Variants in BTD observed in about 807,000 individuals in gnomAD.
The protein encoded by BTD is biocytinase.
BTD carries 13 observed loss-of-function variants against 17.7 expected under a neutral mutation model. The observed-to-expected ratio is 0.74, with a 90% CI of 0.48 to 1.17. BTD has a LOEUF of 1.17. Among genes scored for constraint, BTD ranks in the 50% most tolerant of loss-of-function variants. The probability of loss-of-function intolerance (pLI) is 0.00; values close to 1 mark genes in which losing one functional copy is unlikely to be tolerated. For missense variants in BTD, 674 were observed against 650.4 expected, an observed-to-expected ratio of 1.04 and a Z score of -0.39; for synonymous variants, 240 against 245.2, an observed-to-expected ratio of 0.98 and a Z score of 0.20.
chr3:15,693,772 A>C (rs751514432), intron 3 of BTD, among the ~76,000 whole-genome samples: 8 of 152,170 alleles, frequency 5.3e-5, no homozygotes, highest in Non-Finnish European at 1.0e-4. Context: ...AGAAGTAGAA[A>C]GCTTCAAGAA....
intron 3 of BTD, among the ~76,000 whole-genome samples, chr3:15,661,562 C>T (rs947752258): frequency 4.6e-5 from 7 of 151,922 alleles, no homozygotes; most frequent in African/African-American, 1.2e-4. Context: ...GTTCTTTATC[C>T]GTCTTTTGCA....
chr3:15,670,486 G>A, intron 3 of BTD: 4 of 1,613,962 alleles, frequency 2.5e-6, no homozygotes, highest in Non-Finnish European at 3.4e-6. Context: ...CAGGCATCAT[G>A]GTGGCCAAAA....
intron 1 of BTD, among the ~76,000 whole-genome samples, chr3:15,633,531 G>A (rs1257596332): frequency 6.6e-6 from 1 of 152,176 alleles, no homozygotes; most frequent in African/African-American, 2.4e-5. Context: ...TTGCTGGATT[G>A]CAAGTCCTTT....
intron 1 of BTD, among the ~76,000 whole-genome samples, chr3:15,620,350 G>T (rs9825684): frequency 1.3e-5 from 2 of 152,034 alleles, no homozygotes; most frequent in East Asian, 3.9e-4. Flanking sequence ...CCTTTCCCAG[G>T]GTATTAATAT....
At chr3:15,672,053 G>A (rs1033011736) in intron 3 of BTD, among the ~76,000 whole-genome samples, 4 of 151,846 alleles carry the variant, frequency 2.6e-5, no homozygotes, top group Admixed American at 6.6e-5. Flanking sequence ...TTATACTATG[G>A]TTTAGTTATA....
exon 4 of BTD, among the ~76,000 whole-genome samples, chr3:15,711,790 G>A (rs1026098161): frequency 1.3e-5 from 2 of 151,780 alleles, no homozygotes; most frequent in Non-Finnish European, 2.9e-5. Flanking sequence ...GGGTTCAAGC[G>A]ATTCTCCTGC....
At chr3:15,714,669 G>A (rs1444866522), downstream of BTD, 1 of 1,568,536 alleles carries the variant, frequency 6.4e-7, no homozygotes, top group Admixed American at 2.0e-5. Flanking sequence ...GGGGGGGGAA[G>A]AAAAAAATTA....
chr3:15,682,839 T>C (rs41491748), intron 3 of BTD, among the ~76,000 whole-genome samples: 27,266 of 152,170 alleles, frequency 0.18, 3,703 homozygotes, highest in East Asian at 0.58. Flanking sequence ...TAGTCGCTTA[T>C]TGCATATAGC....
At chr3:15,613,074 T>G (rs1386661057) in intron 1 of BTD, among the ~76,000 whole-genome samples, 1 of 152,214 alleles carries the variant, frequency 6.6e-6, no homozygotes, top group Non-Finnish European at 1.5e-5. Flanking sequence ...TAATCTCTTT[T>G]GATTAACTAG....
chr3:15,674,780 G>C (rs2066763548), intron 3 of BTD, among the ~76,000 whole-genome samples: 1 of 152,186 alleles, frequency 6.6e-6, no homozygotes, highest in Non-Finnish European at 1.5e-5. Context: ...AACCAAGGAA[G>C]AGTGGGGTTC....
intron 1 of BTD, among the ~76,000 whole-genome samples, chr3:15,633,307 A>T (rs758011085): frequency 6.6e-6 from 1 of 152,004 alleles, no homozygotes; most frequent in Non-Finnish European, 1.5e-5. Context: ...TTTTTATTGT[A>T]ATTACTCATT....
intron 3 of BTD, among the ~76,000 whole-genome samples, chr3:15,704,857 T>C (rs2071141220): frequency 6.6e-6 from 1 of 152,132 alleles, no homozygotes; most frequent in Admixed American, 6.5e-5. Context: ...ATTGAATCAA[T>C]AAATGATGGC....
At position 15,644,590 on chromosome 3, in the gene BTD, G is replaced by A. The variant is rs397507175; in HGVS notation, c.674G>A (p.Cys225Tyr). ...PFAGRFGIFT[C>Y]FDILFFDPAI... ...GCTGGCAGGTTTGGCATCTTCACAT[G>A]CTTTGATATATTGTTCTTTGACCCT... Residue 225 changes from cysteine (C) to tyrosine (Y), a missense_variant, in exon 4 of 4, where the codon TGC (cysteine) becomes TAC (tyrosine). Transcript: ENST00000643237. The A allele has an allele frequency of 1.8e-5, 29 of 1,614,026 alleles. No homozygotes were observed. Among genetic ancestry groups the A allele is most frequent in the African/African-American group, 2.7e-5 (2 of 74,908 alleles).
chr3:15,631,609 C>A, intron 1 of BTD: 1 of 928,914 alleles, frequency 1.1e-6, no homozygotes, highest in Non-Finnish European at 1.7e-6. Context: ...ATGGAAAGAA[C>A]CTTCCTGATC....
downstream of BTD, among the ~76,000 whole-genome samples, chr3:15,717,526 A>G (rs1379875680): frequency 1.4e-5 from 2 of 147,676 alleles, no homozygotes; most frequent in Admixed American, 6.8e-5. Flanking sequence ...GAGTATTAAG[A>G]AAAAAAAAAA....
rs550701576 is a variant in BTD, at chr3:15,706,602, C to A, written c.400-3458C>A. 1.6e-4 allele frequency among the ~76,000 whole-genome samples: 24 copies of A among 152,190 alleles called. No individual in the cohort carries two copies. In the East Asian group the frequency reaches 4.6e-3, roughly 29 times the overall value. On this transcript the variant is annotated intron_variant, in intron 3 of 3. Coordinates refer to the BTD transcript ENST00000672141. ...TGATTTATAATCCTTTGGGTATATA[C>A]CCAGTAATGGGATGGCTGGGTCAAA...
At chr3:15,628,167 C>T (rs1288816196) in intron 1 of BTD, among the ~76,000 whole-genome samples, 1 of 152,240 alleles carries the variant, frequency 6.6e-6, no homozygotes, top group Non-Finnish European at 1.5e-5. Context: ...GGTAATGGGA[C>T]TTGATGTAGT....
intron 1 of BTD, among the ~76,000 whole-genome samples, chr3:15,610,965 A>C (rs1467571556): frequency 6.6e-6 from 1 of 152,064 alleles, no homozygotes; most frequent in South Asian, 2.1e-4. Flanking sequence ...GAAAAAAAAA[A>C]AAAAACAGGA....
At chr3:15,641,418 G>C (rs930782708) in intron 2 of BTD, among the ~76,000 whole-genome samples, 1 of 152,166 alleles carries the variant, frequency 6.6e-6, no homozygotes, top group African/African-American at 2.4e-5. Context: ...ACTTTGTAGG[G>C]GTGGTCCCGG....
Sources: gnomAD v4.1 joint callset for allele counts (sites outside exome capture counted in the v4.1 genomes callset) on GRCh38, gnomAD v4.1.1 for gene constraint, MANE v1.5 for transcripts, NCBI Gene and HGNC (gene_info 2026-07-23, HGNC 2026-07-21) for gene names.